DPP10: variants seen among roughly 807,000 people sequenced by gnomAD.
The protein encoded by DPP10 is inactive dipeptidyl peptidase 10.
DPP10 carries 33 observed loss-of-function variants against 120.9 expected under a neutral mutation model. The ratio of observed to expected loss-of-function variants is 0.27; its 90% CI spans 0.21 to 0.37. The LOEUF is 0.37. Ranked by LOEUF, DPP10 falls within the 10% of genes least tolerant of loss-of-function variation. The probability of loss-of-function intolerance (pLI) is 1.00; values close to 1 mark genes in which losing one functional copy is unlikely to be tolerated. For missense variants in DPP10, 816 were observed against 942.8 expected (o/e 0.87, Z 1.76); for synonymous variants, 337 against 326.1 (o/e 1.03, Z -0.36).
intron 1 of DPP10, among the ~76,000 whole-genome samples, chr2:114,542,534 T>A (rs1028805944): frequency 2.0e-5 from 3 of 152,130 alleles, no homozygotes; most frequent in Non-Finnish European, 2.9e-5. Context: ...ATCCTCTGTA[T>A]CCCTAAGGAA....
At position 114,656,962 on chromosome 2, in the gene DPP10, C is replaced by T. The variant is rs550698678; in HGVS notation, c.60+214124C>T. Among the ~76,000 whole-genome samples the T allele has an allele frequency of 1.6e-4, 25 of 152,042 alleles. No homozygotes were observed. In the South Asian group the frequency reaches 5.0e-3, roughly 30 times the overall value. ...AAAATAAGATCAACTTTATAAGCACCGTTTTGATCTCAGATCTTTGTGGTA... is the reference window on the plus strand; with the variant it reads ...AAAATAAGATCAACTTTATAAGCACTGTTTTGATCTCAGATCTTTGTGGTA... On this transcript the variant is annotated intron_variant, in intron 1 of 25. Transcript: ENST00000410059.
chr2:115,559,409 T>C (rs955997277), intron 5 of DPP10, among the ~76,000 whole-genome samples: 1 of 152,206 alleles, frequency 6.6e-6, no homozygotes, highest in African/African-American at 2.4e-5. Flanking sequence ...ATAGTAATTA[T>C]GACAGAATTA....
chr2:114,528,593 C>T (rs1459237182), intron 1 of DPP10, among the ~76,000 whole-genome samples: 1 of 151,530 alleles, frequency 6.6e-6, no homozygotes, highest in Non-Finnish European at 1.5e-5. Context: ...GTGGCTACAC[C>T]TGAGGAACTC....
intron 1 of DPP10, among the ~76,000 whole-genome samples, chr2:114,503,382 G>A (rs954356606): frequency 1.5e-4 from 23 of 152,122 alleles, no homozygotes; most frequent in African/African-American, 5.1e-4. Flanking sequence ...TATAACCAGG[G>A]TATATAGTTT....
rs182312752 is a variant in DPP10 at position 114,614,976 on chromosome 2, A to C, written c.60+172138A>C. 6.6e-5 allele frequency among the ~76,000 whole-genome samples: 10 copies of C among 152,282 alleles called. No homozygotes were observed. The East Asian group carries it at 7.7e-4, about 12-fold the overall frequency. On this transcript the variant is annotated intron_variant, in intron 1 of 25. Transcript: ENST00000410059. Reference sequence around the variant, plus strand: ...GGAGCAGTGAAGGAAACCACCCAAAATACTGCAATTTAAGGCAAACTAACA... The same window carrying C: ...GGAGCAGTGAAGGAAACCACCCAAACTACTGCAATTTAAGGCAAACTAACA...
At chr2:114,662,781 G>GC (rs1237506018) in intron 1 of DPP10, among the ~76,000 whole-genome samples, 16 of 150,056 alleles carry the variant, frequency 1.1e-4, no homozygotes, top group Non-Finnish European at 2.0e-4. Context: ...TGAAGTGCCA[G>GC]GGGGGGACCT....
chr2:114,923,949 C>T (rs1446489696), intron 1 of DPP10, among the ~76,000 whole-genome samples: 1 of 152,096 alleles, frequency 6.6e-6, no homozygotes, highest in African/African-American at 2.4e-5. Context: ...GTCTTGAACT[C>T]CTTGACTCAA....
chr2:114,949,245 C>G (rs1697594331), intron 1 of DPP10, among the ~76,000 whole-genome samples: 1 of 151,994 alleles, frequency 6.6e-6, no homozygotes, highest in South Asian at 2.1e-4. Context: ...TTTAAACCAT[C>G]AAGTCTCCTG....
chr2:114,459,667 T>G (rs1377048580), intron 1 of DPP10, among the ~76,000 whole-genome samples: 5 of 152,226 alleles, frequency 3.3e-5, no homozygotes, highest in African/African-American at 1.2e-4. Context: ...TTAAATTAAA[T>G]AACAATGGAT....
chr2:114,457,165 T>TA (rs1219731002), intron 1 of DPP10, among the ~76,000 whole-genome samples: 1 of 152,236 alleles, frequency 6.6e-6, no homozygotes, highest in African/African-American at 2.4e-5. Flanking sequence ...TGTTGTATCT[T>TA]ACGCAGACTC....
At chr2:114,603,234 C>A (rs17782840) in intron 1 of DPP10, among the ~76,000 whole-genome samples, 13,653 of 151,952 alleles carry the variant, frequency 0.09, 687 homozygotes, top group Middle Eastern at 0.14. Flanking sequence ...ATTTTAATAA[C>A]AACACTGAGA....
intron 1 of DPP10, among the ~76,000 whole-genome samples, chr2:114,781,093 T>A (rs528189924): frequency 9.2e-5 from 14 of 152,132 alleles, no homozygotes; most frequent in Non-Finnish European, 1.5e-4. Flanking sequence ...GTGCTTGTAG[T>A]TAGCAAAAAT....
intron 1 of DPP10, among the ~76,000 whole-genome samples, chr2:115,028,324 T>A (rs1018828174): frequency 5.9e-5 from 9 of 152,106 alleles, no homozygotes; most frequent in Non-Finnish European, 1.3e-4. Flanking sequence ...TTTTATAATA[T>A]CCTTTTTAAT....
At chr2:115,162,124 T>C (rs1210910831) in intron 1 of DPP10, 48 of 1,521,086 alleles carry the variant, frequency 3.2e-5, no homozygotes, top group Non-Finnish European at 4.2e-5. Context: ...CTCCCGCGCC[T>C]CCCTCTTCTC....
At chr2:114,941,219 C>T (rs1696872614) in intron 1 of DPP10, among the ~76,000 whole-genome samples, 1 of 152,204 alleles carries the variant, frequency 6.6e-6, no homozygotes, top group Admixed American at 6.5e-5. Context: ...TGCATAGACA[C>T]TATTCAAATC....
At chr2:114,804,367 G>C (rs900770665) in intron 1 of DPP10, among the ~76,000 whole-genome samples, 1 of 150,760 alleles carries the variant, frequency 6.6e-6, no homozygotes, top group African/African-American at 2.4e-5. Flanking sequence ...CTGGGTCACT[G>C]CCTGGTGGAG....
In DPP10 at chr2:114,850,722, A is replaced by G. The variant is rs142429482; in HGVS notation, c.60+407884A>G. On this transcript the variant is annotated intron_variant, in intron 1 of 25. Coordinates refer to ENST00000410059, the MANE Select transcript of DPP10 (RefSeq NM_020868.6). ...TCCACTTCTCTCTATAGATACCATA[A>G]CCAGTTCAAAAAGGAACAATGCACT... is the stretch of plus-strand genomic sequence containing the variant. Among the ~76,000 whole-genome samples the G allele has an allele frequency of 1.0e-3, 155 of 152,234 alleles. 1 individual carries two copies. Among genetic ancestry groups the G allele is most frequent in the African/African-American group, 3.6e-3 (148 of 41,540 alleles).
chr2:115,772,082 G>GT (rs1681547112), intron 13 of DPP10, among the ~76,000 whole-genome samples: 1 of 151,704 alleles, frequency 6.6e-6, no homozygotes, highest in Admixed American at 6.6e-5. Context: ...GAATGCATGT[G>GT]TTTTCCTCCA....
intron 1 of DPP10, among the ~76,000 whole-genome samples, chr2:114,877,659 A>C (rs879788708): frequency 6.6e-6 from 1 of 152,080 alleles, no homozygotes; most frequent in Non-Finnish European, 1.5e-5. Flanking sequence ...TTCACTTACA[A>C]ATCATAAGTT....
Sources: gnomAD v4.1 joint callset for allele counts (sites outside exome capture counted in the v4.1 genomes callset) on GRCh38, gnomAD v4.1.1 for gene constraint, MANE v1.5 for transcripts, NCBI Gene and HGNC (gene_info 2026-07-23, HGNC 2026-07-21) for gene names.